HK2: variants seen among roughly 807,000 people sequenced by gnomAD.
The protein encoded by HK2 is hexokinase-2.
Under a neutral mutation model 92.9 loss-of-function variants are expected in HK2, and 42 were observed. The ratio of observed to expected loss-of-function variants is 0.45; its 90% CI spans 0.35 to 0.58. The LOEUF is 0.58. Among genes scored for constraint, HK2 ranks in the 20% least tolerant of loss-of-function variants. The pLI is 0.00. For missense variants in HK2, 978 were observed against 1,245.1 expected, an observed-to-expected ratio of 0.79 and a Z score of 3.23; for synonymous variants, 422 against 468.0, an observed-to-expected ratio of 0.90 and a Z score of 1.27.
In HK2 at chr2:74,891,116, G is replaced by A. The variant is rs866976796; in HGVS notation, c.*175G>A. 82 of 677,674 alleles carry A rather than the reference G, an allele frequency of 1.2e-4. 1 individual carries two copies. The South Asian group carries it at 1.3e-3, about 11-fold the overall frequency. 42.0% of individuals were successfully genotyped at this position (677,674 alleles called of 1,614,324 possible). Reference sequence around the variant, plus strand: ...TTGTAGAGCTTGGTGGCTGAGCTTGGCCCTATTAAGATAAATAGAGTTCCA... The same window carrying A: ...TTGTAGAGCTTGGTGGCTGAGCTTGACCCTATTAAGATAAATAGAGTTCCA... On this transcript the variant is annotated 3_prime_UTR_variant, in exon 18 of 18. Coordinates refer to ENST00000290573, the MANE Select transcript of HK2 (RefSeq NM_000189.5).
chr2:74,869,547 C>T (rs568442755), intron 3 of HK2, among the ~76,000 whole-genome samples: 12 of 152,306 alleles, frequency 7.9e-5, no homozygotes, highest in South Asian at 2.1e-4. Context: ...GTCTGTCTTC[C>T]GGCACATTAA....
At position 74,839,347 on chromosome 2, in the gene HK2, G is replaced by A. The variant is rs3771792; in HGVS notation, c.63+4704G>A. Among the ~76,000 whole-genome samples the A allele has an allele frequency of 2.6e-4, 39 of 152,162 alleles. No homozygotes were observed. In the East Asian group the frequency reaches 7.5e-3, roughly 29 times the overall value. On this transcript the variant is annotated intron_variant, in intron 1 of 17. Coordinates refer to ENST00000290573, the MANE Select transcript of HK2 (RefSeq NM_000189.5). ...CACGTGCCATTAGTCCGCACGTATG[G>A]GATTAGAGTATCAAGAGTAAATTGC... is the stretch of plus-strand genomic sequence containing the variant.
chr2:74,881,850 C>T lies in HK2; in HGVS notation c.1710C>T (p.Thr570=), dbSNP rs149733369. The part of the protein sequence containing the change: ...YAIPQEVMHG[T]GDELFDHIVQ... ...TCCCGCAGGAGGTCATGCACGGCAC[C>T]GGGGACGAGGTGAGCAGGGCGGCGC... Residue 570 remains threonine, a synonymous_variant, in exon 11 of 18, where the codon ACC becomes ACT. Transcript: ENST00000290573. The T allele has an allele frequency of 1.1e-4, 170 of 1,614,146 alleles. 1 individual carries two copies. The highest frequency in any genetic ancestry group is 9.9e-4 in the African/African-American group (74 of 75,050).
At chr2:74,872,492 CCTG>C in intron 4 of HK2, 73 bp downstream of exon 4, 1 of 1,571,532 alleles carries the variant, frequency 6.4e-7, no homozygotes, top group Non-Finnish European at 8.7e-7. Context: ...TTCTGAGCCA[CCTG>C]CTGTGGTGGT....
chr2:74,881,873 C>A lies in HK2; in HGVS notation c.1719+14C>A, dbSNP rs780757733. 1.2e-6 allele frequency: 2 copies of A among 1,613,410 alleles called. No individual in the cohort carries two copies. Among genetic ancestry groups the A allele is most frequent in the Non-Finnish European group, 1.7e-6 (2 of 1,179,634 alleles). On this transcript the variant is annotated intron_variant, in intron 11 of 17. Coordinates refer to ENST00000290573, the MANE Select transcript of HK2 (RefSeq NM_000189.5). Reference sequence around the variant, plus strand: ...ACCGGGGACGAGGTGAGCAGGGCGGCGCCTTCAGGAGGGGGCCCCTGGTGG... The same window carrying A: ...ACCGGGGACGAGGTGAGCAGGGCGGAGCCTTCAGGAGGGGGCCCCTGGTGG...
At chr2:74,846,550 A>G (rs1216997136) in intron 1 of HK2, among the ~76,000 whole-genome samples, 1 of 152,092 alleles carries the variant, frequency 6.6e-6, no homozygotes, top group Non-Finnish European at 1.5e-5. Context: ...TGTGTCTGGC[A>G]TTTTTCAGCC....
chr2:74,879,028 C>A (rs750470253), intron 9 of HK2, 107 bp downstream of exon 9: 17 of 935,916 alleles, frequency 1.8e-5, no homozygotes, highest in Non-Finnish European at 2.9e-5. Context: ...TGTGGAGGGA[C>A]CATAGAGCTG....
chr2:74,839,083 A>G (rs985583369), intron 1 of HK2, among the ~76,000 whole-genome samples: 1 of 152,224 alleles, frequency 6.6e-6, no homozygotes, highest in African/African-American at 2.4e-5. Context: ...CTTGAGAGGA[A>G]TATCTTGGAA....
At chr2:74,869,209 T>C (rs977538552) in intron 3 of HK2, among the ~76,000 whole-genome samples, 8 of 151,956 alleles carry the variant, frequency 5.3e-5, no homozygotes, top group African/African-American at 1.9e-4. Context: ...AAAATGCTAT[T>C]TAAAAATGAA....
chr2:74,877,056 C>T, intron 7 of HK2, 110 bp from the exon 8 acceptor site: 4 of 1,437,842 alleles, frequency 2.8e-6, no homozygotes. Flanking sequence ...GTGCTGCACA[C>T]ATTAACCCTT....
chr2:74,886,665 C>A lies in HK2; in HGVS notation c.2211C>A (p.Gly737=). Residue 737 remains glycine, a synonymous_variant, in exon 15 of 18, where the codon GGC becomes GGA. Coordinates refer to ENST00000290573, the MANE Select transcript of HK2 (RefSeq NM_000189.5). Reference sequence around the variant, plus strand: ...TGGATGAGCTTTCACTCAACCCCGGCAAGCAGAGGTAGGCACCCAACTGGG... The same window carrying A: ...TGGATGAGCTTTCACTCAACCCCGGAAAGCAGAGGTAGGCACCCAACTGGG... ...VAVDELSLNP[G]KQRFEKMISG... 2 of 1,613,844 alleles carry A rather than the reference C, an allele frequency of 1.2e-6. No homozygotes were observed. Among genetic ancestry groups the A allele is most frequent in the South Asian group, 1.1e-5 (1 of 91,070 alleles).
intron 15 of HK2, among the ~76,000 whole-genome samples, chr2:74,887,123 C>T (rs551174683): frequency 4.1e-4 from 63 of 152,326 alleles, no homozygotes; most frequent in African/African-American, 1.5e-3. Context: ...AGCTAAGAGA[C>T]AATAGCTTAA....
At chr2:74,879,489 T>G (rs1689326508) in intron 9 of HK2, among the ~76,000 whole-genome samples, 1 of 152,208 alleles carries the variant, frequency 6.6e-6, no homozygotes, top group South Asian at 2.1e-4. Flanking sequence ...AACTTGTCGG[T>G]GCAGGAGGCC....
intron 2 of HK2, among the ~76,000 whole-genome samples, chr2:74,861,073 C>T (rs1180436656): frequency 6.6e-6 from 1 of 152,192 alleles, no homozygotes; most frequent in Admixed American, 6.5e-5. Flanking sequence ...TCAGGGGCCC[C>T]ACCACACACA....
At chr2:74,835,021 C>G in intron 1 of HK2, 2 of 338,170 alleles carry the variant, frequency 5.9e-6, no homozygotes, top group Non-Finnish European at 1.1e-5. Flanking sequence ...CCGGCGAGAG[C>G]ACGTGGAGAG....
At chr2:74,855,037 C>T (rs1214994704) in intron 2 of HK2, among the ~76,000 whole-genome samples, 1 of 152,156 alleles carries the variant, frequency 6.6e-6, no homozygotes, top group Admixed American at 6.5e-5. Context: ...ACTCTTGTTG[C>T]CCAGGCTGGC....
intron 1 of HK2, among the ~76,000 whole-genome samples, chr2:74,853,494 G>T (rs1282155582): frequency 6.6e-6 from 1 of 150,950 alleles, no homozygotes; most frequent in African/African-American, 2.4e-5. Context: ...TCCAGCCTGG[G>T]TGACAGGGTG....
In HK2 at chr2:74,837,058, C is replaced by T. The variant is rs184841849; in HGVS notation, c.63+2415C>T. On this transcript the variant is annotated intron_variant, in intron 1 of 17. Coordinates refer to ENST00000290573, the MANE Select transcript of HK2 (RefSeq NM_000189.5). ...ACTTTTGCCAATTGGAACTCAGGAG[C>T]GACTGCAGAGCACCTACTGTGTACC... Among the ~76,000 whole-genome samples, 289 of 152,266 alleles carry T rather than the reference C, an allele frequency of 1.9e-3. 1 individual carries two copies. The highest frequency in any genetic ancestry group is 6.4e-3 in the African/African-American group (267 of 41,546).
intron 2 of HK2, among the ~76,000 whole-genome samples, chr2:74,859,596 G>A (rs1034914711): frequency 6.6e-6 from 1 of 152,074 alleles, no homozygotes; most frequent in African/African-American, 2.4e-5. Context: ...CCGGGAGGCA[G>A]AGCATTCCAG....
Sources: gnomAD v4.1 joint callset for allele counts (sites outside exome capture counted in the v4.1 genomes callset) on GRCh38, gnomAD v4.1.1 for gene constraint, MANE v1.5 for transcripts, NCBI Gene and HGNC (gene_info 2026-07-23, HGNC 2026-07-21) for gene names.